Variants in ANKRD6 observed in about 807,000 individuals in gnomAD.
The protein encoded by ANKRD6 is ankyrin repeat domain 6.
A neutral mutation model predicts 82.3 loss-of-function variants in ANKRD6; 56 were observed. The observed-to-expected ratio is 0.68, with a 90% CI of 0.55 to 0.85. The LOEUF (loss-of-function observed/expected upper bound fraction) is 0.85, where lower values mean the gene tolerates loss of function less well. Ranked by LOEUF, ANKRD6 falls within the 40% of genes least tolerant of loss-of-function variation. ANKRD6 has a pLI of 0.00. For synonymous variants in ANKRD6, 347 were observed against 352.1 expected (o/e 0.99, Z 0.16); for missense variants, 852 against 907.6 (o/e 0.94, Z 0.79).
At chr6:89,506,464 G>C (rs1779876328) in intron 1 of ANKRD6, among the ~76,000 whole-genome samples, 1 of 152,070 alleles carries the variant, frequency 6.6e-6, no homozygotes, top group African/African-American at 2.4e-5. Context: ...ACAGGCGTGT[G>C]TTACCGTGCC....
At chr6:89,569,457 C>T (rs970177077) in intron 2 of ANKRD6, among the ~76,000 whole-genome samples, 1 of 152,044 alleles carries the variant, frequency 6.6e-6, no homozygotes, top group Non-Finnish European at 1.5e-5. Context: ...AGTAATAATC[C>T]ATTGTATACA....
intron 1 of ANKRD6, among the ~76,000 whole-genome samples, chr6:89,458,868 G>T (rs1322601275): frequency 1.3e-5 from 2 of 152,182 alleles, no homozygotes; most frequent in Non-Finnish European, 2.9e-5. Context: ...GCTGTGTCGT[G>T]GTCTTGGCTA....
intron 7 of ANKRD6, 31 bp downstream of exon 7, chr6:89,613,921 A>T: frequency 1.2e-6 from 2 of 1,608,122 alleles, no homozygotes; most frequent in African/African-American, 1.3e-5. Context: ...CATGGCTGCC[A>T]GCACCCTTCC....
chr6:89,606,139 A>T, intron 5 of ANKRD6, 34 bp downstream of exon 5: 5 of 1,494,712 alleles, frequency 3.3e-6, no homozygotes, highest in Non-Finnish European at 4.5e-6. Context: ...TGCCTCATTC[A>T]CAGGTGAGGA....
chr6:89,595,801 A>C, intron 2 of ANKRD6, 115 bp from the exon 3 acceptor site: 1 of 753,700 alleles, frequency 1.3e-6, no homozygotes, highest in Non-Finnish European at 2.3e-6. Context: ...CCAAAGGGGC[A>C]GGAGGGAGTG....
chr6:89,447,450 G>C (rs1214721523), intron 1 of ANKRD6, among the ~76,000 whole-genome samples: 1 of 152,212 alleles, frequency 6.6e-6, no homozygotes, highest in Non-Finnish European at 1.5e-5. Context: ...AGAGAGGTGG[G>C]AAGCTGCAGA....
At chr6:89,591,269 A>G (rs1242595888) in intron 2 of ANKRD6, among the ~76,000 whole-genome samples, 2 of 151,990 alleles carry the variant, frequency 1.3e-5, no homozygotes, top group Non-Finnish European at 2.9e-5. Flanking sequence ...ACACTCAGCT[A>G]ATTTTTGTAT....
At chr6:89,490,250 G>A (rs1384775427) in intron 1 of ANKRD6, among the ~76,000 whole-genome samples, 1 of 152,192 alleles carries the variant, frequency 6.6e-6, no homozygotes, top group Non-Finnish European at 1.5e-5. Flanking sequence ...TTTCGGCTGT[G>A]GTTTTCAACC....
intron 1 of ANKRD6, among the ~76,000 whole-genome samples, chr6:89,465,882 TA>T (rs895899621): frequency 3.2e-4 from 48 of 151,778 alleles, no homozygotes; most frequent in South Asian, 3.1e-3. Context: ...TAAATTAATT[TA>T]AAAAAAAATT....
intron 1 of ANKRD6, among the ~76,000 whole-genome samples, chr6:89,448,660 T>C (rs1334395714): frequency 6.6e-6 from 1 of 152,200 alleles, no homozygotes; most frequent in African/African-American, 2.4e-5. Context: ...AGGAGATTAA[T>C]ATTTTCATGC....
chr6:89,615,720 A>T (rs1375189751), intron 7 of ANKRD6, among the ~76,000 whole-genome samples: 1 of 152,174 alleles, frequency 6.6e-6, no homozygotes, highest in East Asian at 1.9e-4. Flanking sequence ...GGAAAAAAGT[A>T]TCAGGCGCTT....
intron 12 of ANKRD6, 54 bp from the exon 13 acceptor site, chr6:89,624,484 CA>C: frequency 6.5e-7 from 1 of 1,540,592 alleles, no homozygotes; most frequent in Non-Finnish European, 8.8e-7. Context: ...GTGCTCAAAA[CA>C]TACCTGATGA....
intron 1 of ANKRD6, among the ~76,000 whole-genome samples, chr6:89,435,330 C>G (rs553320880): frequency 6.6e-6 from 1 of 152,268 alleles, no homozygotes; most frequent in South Asian, 2.1e-4. Context: ...CCTGAGTACC[C>G]CTCTCCATTG....
At chr6:89,616,992 A>G (rs1259749161) in intron 8 of ANKRD6, 2 of 487,510 alleles carry the variant, frequency 4.1e-6, no homozygotes, top group Admixed American at 4.7e-5. Context: ...TGATGCTCAG[A>G]AAAATGGCCA....
At chr6:89,618,187 C>T (rs776654646) in intron 9 of ANKRD6, 156 bp downstream of exon 9, 26 of 822,902 alleles carry the variant, frequency 3.2e-5, no homozygotes, top group East Asian at 5.1e-5. Context: ...CCCAGGATGA[C>T]GGGAGTCAAA....
At chr6:89,570,492 T>C (rs1348421952) in intron 2 of ANKRD6, among the ~76,000 whole-genome samples, 1 of 152,180 alleles carries the variant, frequency 6.6e-6, no homozygotes, top group East Asian at 1.9e-4. Flanking sequence ...ATCACCACCA[T>C]CCATCTTCAG....
intron 11 of ANKRD6, 38 bp from the exon 12 acceptor site, chr6:89,623,834 C>T: frequency 6.3e-7 from 1 of 1,583,012 alleles, no homozygotes; most frequent in Middle Eastern, 2.1e-4. Flanking sequence ...TTGCAGAGGT[C>T]AAAGCGTTCA....
intron 1 of ANKRD6, among the ~76,000 whole-genome samples, chr6:89,472,416 G>C (rs188077694): frequency 6.6e-6 from 1 of 152,088 alleles, no homozygotes; most frequent in Non-Finnish European, 1.5e-5. Flanking sequence ...ATATACATTG[G>C]AAATCATTTT....
chr6:89,495,023 A>G (rs1408779678), intron 1 of ANKRD6, among the ~76,000 whole-genome samples: 6 of 152,168 alleles, frequency 3.9e-5, no homozygotes, highest in African/African-American at 1.4e-4. Context: ...TCACAAGGTC[A>G]GGAGATCGAG....
Sources: allele counts gnomAD v4.1 joint callset (sites outside exome capture counted in the v4.1 genomes callset), GRCh38; gene constraint gnomAD v4.1.1; transcripts MANE v1.5; gene names NCBI Gene and HGNC (gene_info 2026-07-23, HGNC 2026-07-21).